The following ZNF248 variants were observed in gnomAD, a reference collection of about 807,000 sequenced individuals.
ZNF248 encodes zinc finger protein 248.
A neutral mutation model predicts 44.3 loss-of-function variants in ZNF248; 20 were observed. That is an observed-to-expected ratio of 0.45 (90% confidence interval 0.32 to 0.66). ZNF248 has a LOEUF of 0.66. ZNF248 is among the 30% of genes least tolerant of loss of function. The probability of loss-of-function intolerance (pLI) is 0.04; values close to 1 mark genes in which losing one functional copy is unlikely to be tolerated. For missense variants in ZNF248, 654 were observed against 677.0 expected (o/e 0.97, Z 0.38); for synonymous variants, 224 against 229.0 (o/e 0.98, Z 0.20).
the ZNF248 span, among the ~76,000 whole-genome samples, chr10:37,770,447 G>C: frequency 2.6e-5 from 4 of 152,284 alleles, no homozygotes; most frequent in East Asian, 3.9e-4. Context: ...GAACAGAACA[G>C]AGCCCTCAGA....
At chr10:37,842,149 A>G (rs2134265626) in intron 3 of ZNF248, among the ~76,000 whole-genome samples, 1 of 152,306 alleles carries the variant, frequency 6.6e-6, no homozygotes, top group East Asian at 1.9e-4. Flanking sequence ...AACTCTTTGT[A>G]CTACTGTCTT....
chr10:37,770,527 T>C, the ZNF248 span, among the ~76,000 whole-genome samples: 1 of 152,156 alleles, frequency 6.6e-6, no homozygotes, highest in Non-Finnish European at 1.5e-5. Context: ...GGGGGAAGGA[T>C]TCCCTATTTA....
Position 37,829,800 on chromosome 10 carries a change from A to C in ZNF248, c.*1815T>G, listed in dbSNP as rs2055135416. 1.0e-6 allele frequency: 1 copy of C among 985,334 alleles called. No individual in the cohort carries two copies. Among genetic ancestry groups the C allele is most frequent in the South Asian group, 4.7e-5 (1 of 21,294 alleles). 61.0% of individuals were successfully genotyped at this position (985,334 alleles called of 1,614,324 possible). A position where few individuals can be genotyped will look rare whatever the true frequency, so the allele number is the denominator to read the frequency against. ...TATCAAGGAGATCTTTCCCAGAAGT[A>C]CTACACAATACTTCCCAAACATCTC... On this transcript the variant is annotated 3_prime_UTR_variant, in exon 6 of 6. Transcript: ENST00000395867.
the ZNF248 span, among the ~76,000 whole-genome samples, chr10:37,765,550 A>G: frequency 5.6e-4 from 85 of 152,356 alleles, no homozygotes; most frequent in East Asian, 2.1e-3. Flanking sequence ...TTCATTTAGC[A>G]TGGTATATTA....
intron 6 of ZNF248, among the ~76,000 whole-genome samples, chr10:37,780,358 G>A (rs1039131929): frequency 6.6e-6 from 1 of 152,092 alleles, no homozygotes; most frequent in African/African-American, 2.4e-5. Context: ...CAGAAATAAC[G>A]CCACATATCT....
rs2055503511 is a variant in ZNF248, at chr10:37,831,116, T to C, written c.*499A>G. ...CACCAATGGTATTTAGTGTAGAAAA[T>C]ATTAACAAATACCATAGTAGTTACT... On this transcript the variant is annotated 3_prime_UTR_variant, in exon 6 of 6. Coordinates refer to ENST00000395867, the MANE Select transcript of ZNF248 (RefSeq NM_021045.3). The C allele has an allele frequency of 4.9e-6, 7 of 1,419,276 alleles. No individual in the cohort carries two copies. In the South Asian group the frequency reaches 1.1e-4, roughly 23 times the overall value. 87.9% of individuals were successfully genotyped at this position (1,419,276 alleles called of 1,614,324 possible).
intron 6 of ZNF248, among the ~76,000 whole-genome samples, chr10:37,805,994 G>A (rs1047762814): frequency 1.4e-4 from 22 of 152,202 alleles, no homozygotes; most frequent in African/African-American, 3.4e-4. Flanking sequence ...TTTCTCTTGC[G>A]TATATTTCTA....
At chr10:37,805,462 T>A (rs1193297552) in intron 6 of ZNF248, among the ~76,000 whole-genome samples, 3 of 152,198 alleles carry the variant, frequency 2.0e-5, no homozygotes, top group Non-Finnish European at 4.4e-5. Flanking sequence ...CTAACTTACA[T>A]AATTAGGGAC....
chr10:37,784,374 C>A (rs551685097), intron 6 of ZNF248, among the ~76,000 whole-genome samples: 1 of 152,146 alleles, frequency 6.6e-6, no homozygotes, highest in Non-Finnish European at 1.5e-5. Flanking sequence ...ACTTATTAGG[C>A]GCCAGAGCCT....
intron 6 of ZNF248, among the ~76,000 whole-genome samples, chr10:37,821,427 T>C (rs1323694367): frequency 6.6e-6 from 1 of 152,158 alleles, no homozygotes; most frequent in Non-Finnish European, 1.5e-5. Flanking sequence ...AAGTCCATGC[T>C]CTTGAACAGT....
chr10:37,802,668 G>C (rs1564492736), intron 6 of ZNF248, among the ~76,000 whole-genome samples: 1 of 152,142 alleles, frequency 6.6e-6, no homozygotes, highest in Non-Finnish European at 1.5e-5. Flanking sequence ...GATAGTACTT[G>C]TCCCTTCAGT....
chr10:37,764,750 C>G, the ZNF248 span, among the ~76,000 whole-genome samples: 1 of 151,928 alleles, frequency 6.6e-6, no homozygotes, highest in Non-Finnish European at 1.5e-5. Context: ...AATTCTTTGC[C>G]ATGTTGACTG....
rs1177407304 is a variant in ZNF248 at position 37,832,373 on chromosome 10, T to C, written c.982A>G (p.Lys328Glu). ...TTTTCCCAGGTTTTGTCACTCACTT[T>C]ATATTCACGGAGAATCTTTCTTGTG... is the stretch of plus-strand genomic sequence containing the variant. The part of the protein sequence containing the change: ...AYTRKILREY[K>E]VSDKTWEKSA... Residue 328 changes from lysine (K) to glutamate (E), a missense_variant, in exon 6 of 6, where the codon AAA becomes GAA. Transcript: ENST00000395867. The C allele has an allele frequency of 1.2e-6, 2 of 1,613,974 alleles. No individual in the cohort carries two copies. The highest frequency in any genetic ancestry group is 1.3e-5 in the African/African-American group (1 of 74,928).
chr10:37,764,087 G>A, the ZNF248 span, among the ~76,000 whole-genome samples: 2 of 152,186 alleles, frequency 1.3e-5, no homozygotes, highest in East Asian at 1.9e-4. Flanking sequence ...AGAGCCAGGC[G>A]GAACAGAGCC....
downstream of ZNF248, among the ~76,000 whole-genome samples, chr10:37,774,266 A>G (rs1404367372): frequency 6.6e-6 from 1 of 152,110 alleles, no homozygotes; most frequent in Non-Finnish European, 1.5e-5. Flanking sequence ...GAACACAAAG[A>G]CTGTGGTTAT....
chr10:37,810,314 T>C (rs982356348), intron 6 of ZNF248, among the ~76,000 whole-genome samples: 1 of 152,244 alleles, frequency 6.6e-6, no homozygotes, highest in Non-Finnish European at 1.5e-5. Flanking sequence ...TTTTACCCTT[T>C]AGTTCTGTCA....
chr10:37,831,595 T>C lies in ZNF248; in HGVS notation c.*20A>G, dbSNP rs767816701. ...GAAACTGTATAACCAATTTCACAAG[T>C]GTATGAAGGCTTCTAACATTCAGGA... On this transcript the variant is annotated 3_prime_UTR_variant, in exon 6 of 6. Transcript: ENST00000395867. 2.5e-6 allele frequency: 4 copies of C among 1,603,638 alleles called. No individual in the cohort carries two copies. The highest frequency in any genetic ancestry group is 4.5e-5 in the East Asian group (2 of 44,724).
At chr10:37,828,638 T>C, downstream of ZNF248, 1 of 973,250 alleles carries the variant, frequency 1.0e-6, no homozygotes, top group East Asian at 1.1e-4. Context: ...CAATGACATG[T>C]TCTATTACTA....
At chr10:37,790,699 G>A (rs1400388468) in intron 6 of ZNF248, among the ~76,000 whole-genome samples, 2 of 139,592 alleles carry the variant, frequency 1.4e-5, no homozygotes, top group African/African-American at 5.0e-5. Flanking sequence ...ACAGAGCGAG[G>A]CTCCGTCTCT....
Sources: gnomAD v4.1 joint callset for allele counts (sites outside exome capture counted in the v4.1 genomes callset) on GRCh38, gnomAD v4.1.1 for gene constraint, MANE v1.5 for transcripts, NCBI Gene and HGNC (gene_info 2026-07-23, HGNC 2026-07-21) for gene names.